The following KIR2DL4 variants were observed in gnomAD, a reference collection of about 807,000 sequenced individuals.
KIR2DL4 encodes killer cell immunoglobulin-like receptor 2DL4.
Under a neutral mutation model 31.0 loss-of-function variants are expected in KIR2DL4, and 41 were observed. The observed-to-expected ratio is 1.32, with a 90% CI of 1.03 to 1.72. The LOEUF is 1.72. Among genes scored for constraint, KIR2DL4 ranks in the 40% most tolerant of loss-of-function variants. KIR2DL4 has a pLI of 0.00. For missense variants in KIR2DL4, 438 were observed against 353.7 expected, an observed-to-expected ratio of 1.24 and a Z score of -1.91; for synonymous variants, 164 against 133.6, an observed-to-expected ratio of 1.23 and a Z score of -1.57.
At position 54,806,379 on chromosome 19, in the gene KIR2DL4, A is replaced by G. The variant is rs370454850; in HGVS notation, c.655+135A>G. ...CATGGTGTGAGGGTGGGATCAGGGC[A>G]CAGGATGGCAGACAGGGCACCTCCA... is the stretch of plus-strand genomic sequence containing the variant. On this transcript the variant is annotated intron_variant, in intron 4 of 7. Transcript: ENST00000359085. The G allele has an allele frequency of 4.9e-5, 51 of 1,030,744 alleles. 1 individual carries two copies. Among genetic ancestry groups the G allele is most frequent in the East Asian group, 1.7e-4 (7 of 41,942 alleles). 63.8% of individuals were successfully genotyped at this position (1,030,744 alleles called of 1,614,324 possible).
chr19:54,804,688 T>G, intron 2 of KIR2DL4, 105 bp from the exon 3 acceptor site: 1 of 1,235,796 alleles, frequency 8.1e-7, no homozygotes, highest in African/African-American at 1.5e-5. Context: ...CACCCAGGTG[T>G]GGTAGGAGCC....
intron 1 of KIR2DL4, 59 bp downstream of exon 1, chr19:54,803,750 C>T: frequency 6.3e-7 from 1 of 1,586,434 alleles, no homozygotes; most frequent in Admixed American, 1.7e-5. Flanking sequence ...GATTGGGTGT[C>T]TCCCCAGCAG....
At chr19:54,812,925 G>A (rs1303610979) in intron 5 of KIR2DL4, among the ~76,000 whole-genome samples, 1 of 144,054 alleles carries the variant, frequency 6.9e-6, no homozygotes, top group Non-Finnish European at 1.5e-5. Flanking sequence ...TGAAACAATA[G>A]CAGTTGTATC....
chr19:54,808,823 C>A lies in KIR2DL4; in HGVS notation c.656-10C>A, dbSNP rs1478735005. On this transcript the variant is annotated splice_polypyrimidine_tract_variant and intron_variant, in intron 4 of 7. Transcript: ENST00000359085. ...TCATTGCCACACCTCTCTCCTGTCC[C>A]GTGTTCTAGGAAACCCTTCTAGTAG... 10 of 1,564,620 alleles carry A rather than the reference C, an allele frequency of 6.4e-6. 1 individual carries two copies. Among genetic ancestry groups the A allele is most frequent in the Non-Finnish European group, 8.8e-6 (10 of 1,140,222 alleles).
At chr19:54,805,792 C>T (rs796278989) in intron 3 of KIR2DL4, among the ~76,000 whole-genome samples, 159 bp from the exon 4 acceptor site, 2 of 150,138 alleles carry the variant, frequency 1.3e-5, no homozygotes, top group African/African-American at 4.9e-5. Context: ...AGGCTGGAAC[C>T]ACATAGGGAG....
chr19:54,810,528 G>T (rs1601197779), intron 5 of KIR2DL4, among the ~76,000 whole-genome samples: 1 of 151,126 alleles, frequency 6.6e-6, no homozygotes. Context: ...GAAAAAAATA[G>T]ATCAACCCCT....
At chr19:54,804,917 G>A (rs1420560921) in exon 3 of KIR2DL4, 2 of 1,612,272 alleles carry the variant, frequency 1.2e-6, no homozygotes, top group African/African-American at 1.3e-5. Context: ...AGAAAGATGG[G>A]GTCCCTGTCC....
chr19:54,807,446 T>C (rs2060594745), intron 4 of KIR2DL4, among the ~76,000 whole-genome samples: 1 of 151,482 alleles, frequency 6.6e-6, no homozygotes, highest in Middle Eastern at 3.2e-3. Flanking sequence ...TTATGCTTTT[T>C]GTTTTTTTGA....
chr19:54,814,040 TCTTCTAGGGAG>T, exon 8 of KIR2DL4: 1 of 1,611,992 alleles, frequency 6.2e-7, no homozygotes, highest in South Asian at 1.1e-5. Flanking sequence ...CTTGATGGGA[TCTTCTAGGGAG>T]ACAACAGCCC....
intron 3 of KIR2DL4, among the ~76,000 whole-genome samples, chr19:54,805,395 G>A (rs752923314): frequency 6.6e-6 from 1 of 151,208 alleles, no homozygotes; most frequent in East Asian, 1.9e-4. Context: ...AATCACAAGG[G>A]TCCATATGAG....
rs757711299 is a variant in KIR2DL4, at chr19:54,803,879, C to G, written c.41-12C>G. On this transcript the variant is annotated splice_polypyrimidine_tract_variant and intron_variant, in intron 1 of 7. Transcript: ENST00000359085. ...GCCGAGATGAATAGTTCATCATGATCTTTCTTTGCAGGGTTCTTCTTGGAC... is the reference window on the plus strand; with the variant it reads ...GCCGAGATGAATAGTTCATCATGATGTTTCTTTGCAGGGTTCTTCTTGGAC... 1.7e-5 allele frequency: 28 copies of G among 1,609,038 alleles called. No homozygotes were observed. The highest frequency in any genetic ancestry group is 2.3e-5 in the Non-Finnish European group (27 of 1,178,012).
intron 4 of KIR2DL4, among the ~76,000 whole-genome samples, chr19:54,806,682 A>G (rs1385752455): frequency 6.6e-6 from 1 of 151,016 alleles, no homozygotes; most frequent in African/African-American, 2.5e-5. Flanking sequence ...TATCAACTTT[A>G]CCATTTTTAA....
chr19:54,805,196 G>T, intron 3 of KIR2DL4, 119 bp downstream of exon 3: 3 of 1,000,838 alleles, frequency 3.0e-6, no homozygotes, highest in Non-Finnish European at 4.3e-6. Context: ...GGTAAAGGGG[G>T]ATTGAATACA....
chr19:54,805,345 G>A (rs574682397), intron 3 of KIR2DL4, among the ~76,000 whole-genome samples: 3 of 151,436 alleles, frequency 2.0e-5, no homozygotes, highest in East Asian at 3.9e-4. Context: ...TTGACCTTGA[G>A]ATGGGGAGAT....
At position 54,811,127 on chromosome 19, in the gene KIR2DL4, G is replaced by A. The variant is rs1164938725; in HGVS notation, c.707-1998G>A. On this transcript the variant is annotated intron_variant, in intron 5 of 7. Transcript: ENST00000359085. The stretch of plus-strand genomic sequence containing the variant: ...TAATATAACACACAAGGTTCTGAAC[G>A]GTGGCTCACACCTGTAACCCAACAT... 5.3e-5 allele frequency among the ~76,000 whole-genome samples: 8 copies of A among 151,424 alleles called. 1 individual carries two copies. The highest frequency in any genetic ancestry group is 1.9e-4 in the East Asian group (1 of 5,164).
intron 5 of KIR2DL4, chr19:54,813,075 A>C (rs2060962945): frequency 7.5e-7 from 1 of 1,328,544 alleles, no homozygotes; most frequent in Non-Finnish European, 1.0e-6. Context: ...ACAATCCACA[A>C]AGAGGAACTG....
chr19:54,813,244 C>G, intron 6 of KIR2DL4: 1 of 1,594,406 alleles, frequency 6.3e-7, no homozygotes, highest in Non-Finnish European at 8.5e-7. Context: ...CCTCACGAAG[C>G]AGAGGCCAGA....
chr19:54,813,476 G>A (rs1251882501), intron 6 of KIR2DL4, among the ~76,000 whole-genome samples: 1 of 150,610 alleles, frequency 6.6e-6, no homozygotes, highest in African/African-American at 2.5e-5. Flanking sequence ...TCCATGACAG[G>A]CAGAAAGTGG....
chr19:54,804,149 G>GGAGTCTCTCATGAACTAGTAAGAGGAGA (rs1216606664), intron 2 of KIR2DL4, among the ~76,000 whole-genome samples: 17 of 150,432 alleles, frequency 1.1e-4, no homozygotes, highest in Admixed American at 3.3e-4. Flanking sequence ...GGAGATCCTG[G>GGAGTCTCTCATGAACTAGTAAGAGGAGA]TATGCTCAGC....
Sources: allele counts gnomAD v4.1 joint callset (sites outside exome capture counted in the v4.1 genomes callset), GRCh38; gene constraint gnomAD v4.1.1; transcripts MANE v1.5; gene names NCBI Gene and HGNC (gene_info 2026-07-23, HGNC 2026-07-21).